Variants in BTAF1 observed in about 807,000 individuals in gnomAD.
The protein encoded by BTAF1 is TATA-binding protein-associated factor 172.
BTAF1 carries 38 observed loss-of-function variants against 227.1 expected under a neutral mutation model. That is an observed-to-expected ratio of 0.17 (90% confidence interval 0.13 to 0.22). BTAF1 has a LOEUF of 0.22. Among genes scored for constraint, BTAF1 ranks in the 10% least tolerant of loss-of-function variants. BTAF1 has a pLI of 1.00. For synonymous variants in BTAF1, 742 were observed against 751.9 expected (o/e 0.99, Z 0.21); for missense variants, 1,598 against 2,204.0 (o/e 0.73, Z 5.51).
At chr10:91,978,605 G>T (rs1847851907) in intron 14 of BTAF1, among the ~76,000 whole-genome samples, 1 of 151,926 alleles carries the variant, frequency 6.6e-6, no homozygotes, top group East Asian at 1.9e-4. Context: ...TGCAATTTCA[G>T]TTAAAATTTC....
At chr10:91,928,068 TA>T (rs1843989166) in intron 1 of BTAF1, among the ~76,000 whole-genome samples, 4 of 150,742 alleles carry the variant, frequency 2.7e-5, no homozygotes, top group East Asian at 1.9e-4. Flanking sequence ...ATCATCGGAA[TA>T]TTTTTTTCTT....
intron 13 of BTAF1, 91 bp from the exon 14 acceptor site, chr10:91,966,546 G>A (rs888250611): frequency 7.5e-7 from 1 of 1,340,826 alleles, no homozygotes; most frequent in Middle Eastern, 2.0e-4. Flanking sequence ...CATGGTGTCA[G>A]CATCACTAGA....
intron 25 of BTAF1, among the ~76,000 whole-genome samples, chr10:91,999,496 G>A (rs926574974): frequency 1.3e-5 from 2 of 152,164 alleles, no homozygotes; most frequent in Non-Finnish European, 2.9e-5. Context: ...CCGGGTTCAA[G>A]CGATTCTCCT....
chr10:91,947,048 G>A (rs1161964846), intron 4 of BTAF1, among the ~76,000 whole-genome samples: 1 of 151,938 alleles, frequency 6.6e-6, no homozygotes, highest in Non-Finnish European at 1.5e-5. Flanking sequence ...TCACTGTTGT[G>A]GCCAGGCTGG....
chr10:92,006,808 A>G (rs1330684940), intron 25 of BTAF1, among the ~76,000 whole-genome samples: 1 of 152,236 alleles, frequency 6.6e-6, no homozygotes, highest in Non-Finnish European at 1.5e-5. Flanking sequence ...ATGTTGTTCC[A>G]TTAAAAAATG....
chr10:91,973,903 CAAAAAA>C (rs566022941), intron 14 of BTAF1, among the ~76,000 whole-genome samples: 3 of 93,906 alleles, frequency 3.2e-5, no homozygotes, highest in East Asian at 3.0e-4. Flanking sequence ...GACTCCGTCT[CAAAAAA>C]AAAAAAAAAA....
intron 33 of BTAF1, among the ~76,000 whole-genome samples, chr10:92,017,829 C>A (rs1850848770): frequency 6.6e-6 from 1 of 152,130 alleles, no homozygotes; most frequent in African/African-American, 2.4e-5. Context: ...AAGTTTTAAT[C>A]CTAGTGCTCA....
intron 11 of BTAF1, among the ~76,000 whole-genome samples, chr10:91,962,200 TA>T (rs1403380461): frequency 2.0e-5 from 3 of 152,224 alleles, no homozygotes; most frequent in African/African-American, 7.2e-5. Context: ...TTTCTGTATT[TA>T]AATATACCAA....
At chr10:92,022,121 T>C (rs1036674679) in intron 34 of BTAF1, among the ~76,000 whole-genome samples, 1 of 152,156 alleles carries the variant, frequency 6.6e-6, no homozygotes, top group Admixed American at 6.5e-5. Flanking sequence ...GGTTATAGAT[T>C]AGTGAGAATA....
chr10:91,982,919 C>T (rs1467109383), intron 18 of BTAF1, among the ~76,000 whole-genome samples, 158 bp downstream of exon 18: 2 of 152,178 alleles, frequency 1.3e-5, no homozygotes, highest in African/African-American at 4.8e-5. Context: ...ATTTCTCTCC[C>T]ATTTACTTTT....
chr10:91,983,891 AT>A lies in BTAF1; in HGVS notation c.2224-296del, dbSNP rs71025378. On this transcript the variant is annotated intron_variant, in intron 18 of 37. Coordinates refer to ENST00000265990, the MANE Select transcript of BTAF1 (RefSeq NM_003972.3). ...TAGTGCTTGATAGATTTCTTTTCTG[AT>A]TTTTTTTTTTTTTACCATAATACAC... Among the ~76,000 whole-genome samples the A allele has an allele frequency of 4.5e-3, 664 of 146,086 alleles. 1 individual carries two copies. The highest frequency in any genetic ancestry group is 8.3e-3 in the African/African-American group (329 of 39,596).
At chr10:92,027,096 G>A in intron 36 of BTAF1, 34 bp from the exon 37 acceptor site, 1 of 1,588,832 alleles carries the variant, frequency 6.3e-7, no homozygotes, top group Non-Finnish European at 8.6e-7. Context: ...AGCATAATAT[G>A]TGTTACGGTT....
At chr10:91,999,106 C>T (rs543983565) in intron 25 of BTAF1, among the ~76,000 whole-genome samples, 60 of 150,674 alleles carry the variant, frequency 4.0e-4, no homozygotes, top group Non-Finnish European at 7.7e-4. Context: ...TAATGCTGCT[C>T]TGCATTTATA....
At chr10:91,934,304 AG>A (rs1273582702) in intron 1 of BTAF1, among the ~76,000 whole-genome samples, 1 of 151,746 alleles carries the variant, frequency 6.6e-6, no homozygotes, top group Non-Finnish European at 1.5e-5. Context: ...GTACAATCTC[AG>A]CTCATTACAA....
At position 91,985,686 on chromosome 10, in the gene BTAF1, G is replaced by A. The variant is rs149134465; in HGVS notation, c.2427+1282G>A. Among the ~76,000 whole-genome samples, 20 of 152,194 alleles carry A rather than the reference G, an allele frequency of 1.3e-4. 1 individual carries two copies. Among genetic ancestry groups the A allele is most frequent in the African/African-American group, 4.8e-4 (20 of 41,550 alleles). ...TTAGTGATTGTCTGATAGTGTTATT[G>A]TGGTTTTAATTTCCATTTCCTTGAT... On this transcript the variant is annotated intron_variant, in intron 19 of 37. Coordinates refer to ENST00000265990, the MANE Select transcript of BTAF1 (RefSeq NM_003972.3).
chr10:92,004,020 T>C (rs939113095), intron 25 of BTAF1, among the ~76,000 whole-genome samples: 2 of 152,190 alleles, frequency 1.3e-5, no homozygotes, highest in African/African-American at 4.8e-5. Context: ...ATTTATCTGC[T>C]GGCCATTTGT....
intron 5 of BTAF1, among the ~76,000 whole-genome samples, chr10:91,951,888 G>C (rs1477997073): frequency 1.3e-5 from 2 of 151,912 alleles, no homozygotes; most frequent in Non-Finnish European, 2.9e-5. Flanking sequence ...TTTTTTGGGA[G>C]AGTGAGAGAT....
At chr10:91,983,625 T>C (rs940492302) in intron 18 of BTAF1, among the ~76,000 whole-genome samples, 1 of 152,190 alleles carries the variant, frequency 6.6e-6, no homozygotes, top group Admixed American at 6.5e-5. Context: ...CAGAGCTTCA[T>C]GGACTTACTC....
intron 1 of BTAF1, among the ~76,000 whole-genome samples, chr10:91,933,093 TGAG>T (rs1273621154): frequency 6.6e-6 from 1 of 152,046 alleles, no homozygotes; most frequent in African/African-American, 2.4e-5. Flanking sequence ...ACCACCCCCT[TGAG>T]GAGGGGTGAG....
Sources: allele counts gnomAD v4.1 joint callset (sites outside exome capture counted in the v4.1 genomes callset), GRCh38; gene constraint gnomAD v4.1.1; transcripts MANE v1.5; gene names NCBI Gene and HGNC (gene_info 2026-07-23, HGNC 2026-07-21).